Variants in APBB1IP observed in about 807,000 individuals in gnomAD.
APBB1IP encodes amyloid beta A4 precursor protein-binding family B member 1-interacting protein.
In APBB1IP, 27 loss-of-function variants were observed where a neutral mutation model predicts 64.9. The ratio of observed to expected loss-of-function variants is 0.42; its 90% CI spans 0.31 to 0.57. The LOEUF (loss-of-function observed/expected upper bound fraction) is 0.57. Among genes scored for constraint, APBB1IP ranks in the 20% least tolerant of loss-of-function variants. The pLI is 0.20. For missense variants in APBB1IP, 812 were observed against 845.5 expected (o/e 0.96, Z 0.49); for synonymous variants, 392 against 331.0 (o/e 1.18, Z -2.00).
intron 11 of APBB1IP, among the ~76,000 whole-genome samples, chr10:26,549,328 T>C (rs1836803159): frequency 6.6e-6 from 1 of 152,232 alleles, no homozygotes; most frequent in Non-Finnish European, 1.5e-5. Context: ...ATTGGGATAA[T>C]GTAGGCCTCA....
At chr10:26,507,682 CA>C (rs1371349189) in intron 6 of APBB1IP, among the ~76,000 whole-genome samples, 2 of 152,028 alleles carry the variant, frequency 1.3e-5, no homozygotes, top group African/African-American at 4.8e-5. Context: ...GATAAAAAGA[CA>C]AAAGAAAATG....
In APBB1IP at chr10:26,567,647, G is replaced by A; in HGVS notation, c.*159G>A. On this transcript the variant is annotated 3_prime_UTR_variant, in exon 15 of 15. Coordinates refer to ENST00000376236, the MANE Select transcript of APBB1IP (RefSeq NM_019043.4). ...TACAGGCATAACCATTAACCCAGTA[G>A]AGTTCAGAATATCTGCCCAAATGTA... The A allele has an allele frequency of 7.2e-7, 1 of 1,390,994 alleles. No homozygotes were observed. Among genetic ancestry groups the A allele is most frequent in the Admixed American group, 2.4e-5 (1 of 41,766 alleles). 86.2% of individuals were successfully genotyped at this position (1,390,994 alleles called of 1,614,324 possible). A position where few individuals can be genotyped will look rare whatever the true frequency, so the allele number is the denominator to read the frequency against.
chr10:26,484,318 T>G lies in APBB1IP; in HGVS notation c.1-8009T>G, dbSNP rs143505154. Among the ~76,000 whole-genome samples the G allele has an allele frequency of 3.2e-3, 493 of 152,304 alleles. 6 individuals are homozygous for G. The highest frequency in any genetic ancestry group is 0.025 in the Admixed American group (378 of 15,300). On this transcript the variant is annotated intron_variant, in intron 2 of 14. Transcript: ENST00000376236. ...TTGTTTGTTTTGTTTTGTTTTGTTT[T>G]GTTTTGAGATGGAGTCTTGCTCTGT...
intron 4 of APBB1IP, among the ~76,000 whole-genome samples, chr10:26,498,737 T>C (rs1308443654): frequency 1.3e-5 from 2 of 152,046 alleles, no homozygotes; most frequent in East Asian, 3.9e-4. Flanking sequence ...GTACTGACAA[T>C]GATAGGAGCA....
At chr10:26,502,987 G>A (rs1420876196) in intron 5 of APBB1IP, among the ~76,000 whole-genome samples, 5 of 152,090 alleles carry the variant, frequency 3.3e-5, no homozygotes, top group Admixed American at 6.5e-5. Context: ...AAAATTGAAC[G>A]TTTCAGGTAA....
At position 26,543,564 on chromosome 10, in the gene APBB1IP, G is replaced by T. The variant is rs113308921; in HGVS notation, c.1155+1872G>T. 2.6e-5 allele frequency among the ~76,000 whole-genome samples: 4 copies of T among 151,548 alleles called. No individual in the cohort carries two copies. In the East Asian group the frequency reaches 5.8e-4, roughly 22 times the overall value. On this transcript the variant is annotated intron_variant, in intron 11 of 14. Transcript: ENST00000376236. ...TATTATCATTATTATTTTCACTGCC[G>T]CATTCCCATCACCTGGAATAGTGGT... is the stretch of plus-strand genomic sequence containing the variant.
chr10:26,495,962 AT>A (rs530008494), intron 3 of APBB1IP, among the ~76,000 whole-genome samples: 83 of 131,182 alleles, frequency 6.3e-4, no homozygotes, highest in South Asian at 3.2e-3. Context: ...TTTTATATAT[AT>A]TTAATATATA....
At chr10:26,549,928 T>C (rs970678173) in intron 11 of APBB1IP, among the ~76,000 whole-genome samples, 1 of 152,088 alleles carries the variant, frequency 6.6e-6, no homozygotes, top group African/African-American at 2.4e-5. Flanking sequence ...TTCCTTGAGA[T>C]GCATCATTAG....
chr10:26,454,692 G>A (rs1835503047), intron 2 of APBB1IP, among the ~76,000 whole-genome samples: 1 of 152,032 alleles, frequency 6.6e-6, no homozygotes, highest in African/African-American at 2.4e-5. Flanking sequence ...TAATTTAATT[G>A]TACATTTTAA....
At chr10:26,460,998 T>C (rs994860594) in intron 2 of APBB1IP, among the ~76,000 whole-genome samples, 2 of 152,148 alleles carry the variant, frequency 1.3e-5, no homozygotes, top group Non-Finnish European at 2.9e-5. Context: ...TCTGCTTGAC[T>C]AATCACAGGT....
intron 8 of APBB1IP, among the ~76,000 whole-genome samples, chr10:26,520,938 GA>G (rs1278641643): frequency 6.6e-6 from 1 of 152,136 alleles, no homozygotes; most frequent in Non-Finnish European, 1.5e-5. Context: ...TATAATAAAT[GA>G]ATATAGAGAA....
intron 2 of APBB1IP, among the ~76,000 whole-genome samples, chr10:26,471,612 C>A (rs1835716294): frequency 6.6e-6 from 1 of 152,140 alleles, no homozygotes; most frequent in Admixed American, 6.6e-5. Flanking sequence ...CAGACAGTCA[C>A]AGAAATGACC....
At chr10:26,531,022 T>C (rs900011542) in intron 8 of APBB1IP, among the ~76,000 whole-genome samples, 2 of 152,174 alleles carry the variant, frequency 1.3e-5, no homozygotes, top group African/African-American at 2.4e-5. Context: ...TGGAAAAACA[T>C]ATTAAAATAA....
intron 2 of APBB1IP, among the ~76,000 whole-genome samples, chr10:26,488,708 A>C (rs2132427803): frequency 6.6e-6 from 1 of 152,340 alleles, no homozygotes; most frequent in East Asian, 1.9e-4. Context: ...TTTAATCCCA[A>C]CAATACACAC....
chr10:26,563,923 C>T (rs1358677766), intron 14 of APBB1IP, among the ~76,000 whole-genome samples: 1 of 151,378 alleles, frequency 6.6e-6, no homozygotes, highest in Non-Finnish European at 1.5e-5. Context: ...TTTCTAAATG[C>T]CAATTGAAGG....
chr10:26,470,072 CTAA>C (rs1307162792), intron 2 of APBB1IP, among the ~76,000 whole-genome samples: 1 of 152,178 alleles, frequency 6.6e-6, no homozygotes, highest in Non-Finnish European at 1.5e-5. Context: ...ACAGTTGGAT[CTAA>C]TAGTCCCTGA....
intron 2 of APBB1IP, among the ~76,000 whole-genome samples, chr10:26,455,775 C>T (rs1479954657): frequency 1.3e-5 from 2 of 152,030 alleles, no homozygotes; most frequent in African/African-American, 2.4e-5. Context: ...TACAGAGTTA[C>T]CATATGCCCC....
intron 14 of APBB1IP, among the ~76,000 whole-genome samples, chr10:26,565,069 T>C (rs976393038): frequency 6.6e-6 from 1 of 152,192 alleles, no homozygotes; most frequent in Admixed American, 6.5e-5. Flanking sequence ...ACATATCCTT[T>C]GTGCCTACGT....
chr10:26,525,889 A>G (rs1836467989), intron 8 of APBB1IP, among the ~76,000 whole-genome samples: 2 of 152,170 alleles, frequency 1.3e-5, no homozygotes, highest in Admixed American at 6.5e-5. Context: ...GGCCTGTTCC[A>G]ATTCTTCTCT....
Sources: allele counts gnomAD v4.1 joint callset (sites outside exome capture counted in the v4.1 genomes callset), GRCh38; gene constraint gnomAD v4.1.1; transcripts MANE v1.5; gene names NCBI Gene and HGNC (gene_info 2026-07-23, HGNC 2026-07-21).